NEK1: variants seen among roughly 807,000 people sequenced by gnomAD.
NEK1 encodes the protein NIMA related kinase 1.
NEK1 carries 137 observed loss-of-function variants against 182.1 expected under a neutral mutation model. That is an observed-to-expected ratio of 0.75 (90% CI 0.65 to 0.87). The LOEUF (loss-of-function observed/expected upper bound fraction) is 0.87, where lower values mean the gene tolerates loss of function less well. Among genes scored for constraint, NEK1 ranks in the 40% least tolerant of loss-of-function variants. NEK1 has a pLI of 0.00. For missense variants in NEK1, 1,391 were observed against 1,494.4 expected (o/e 0.93, Z 1.14); for synonymous variants, 513 against 492.2 (o/e 1.04, Z -0.56).
intron 31 of NEK1, 28 bp downstream of exon 31, chr4:169,424,525 A>G (rs1483440219): frequency 2.6e-6 from 4 of 1,539,122 alleles, no homozygotes; most frequent in East Asian, 4.5e-5. Flanking sequence ...CGAATGGATA[A>G]TATTTTCCAC....
At chr4:169,604,634 G>A (rs1440544295) in intron 2 of NEK1, among the ~76,000 whole-genome samples, 2 of 152,062 alleles carry the variant, frequency 1.3e-5, no homozygotes, top group African/African-American at 4.8e-5. Context: ...TCATCCATCA[G>A]TGCCAAATTT....
intron 23 of NEK1, among the ~76,000 whole-genome samples, chr4:169,492,365 G>A (rs1326077746): frequency 6.6e-6 from 1 of 152,190 alleles, no homozygotes; most frequent in Non-Finnish European, 1.5e-5. Context: ...AGAAGATTGG[G>A]TGGAGAGAAA....
In NEK1 at chr4:169,561,992, GTTT is replaced by G. The variant is rs34452581; in HGVS notation, c.1081-104_1081-102del. ...CAATGGCAGAGGTATGTTCAATGAG[GTTT>G]TTTTTTTAAAAAAAAAAAGAAGTTA... On this transcript the variant is annotated intron_variant, in intron 13 of 35. Coordinates refer to ENST00000507142, the MANE Select transcript of NEK1 (RefSeq NM_001199397.3). 3.0e-5 allele frequency: 28 copies of G among 923,976 alleles called. No individual in the cohort carries two copies. In the South Asian group the frequency reaches 4.6e-4, roughly 15 times the overall value. 57.2% of individuals were successfully genotyped at this position (923,976 alleles called of 1,614,324 possible). A position where few individuals can be genotyped will look rare whatever the true frequency, so the allele number is the denominator to read the frequency against.
At chr4:169,441,083 C>G (rs1739359659) in intron 27 of NEK1, among the ~76,000 whole-genome samples, 1 of 152,154 alleles carries the variant, frequency 6.6e-6, no homozygotes, top group Non-Finnish European at 1.5e-5. Context: ...TCCTCTAGCC[C>G]ACATACAGTC....
At chr4:169,560,850 A>C (rs1186473251) in intron 16 of NEK1, among the ~76,000 whole-genome samples, 2 of 152,110 alleles carry the variant, frequency 1.3e-5, no homozygotes, top group Non-Finnish European at 2.9e-5. Flanking sequence ...CCAAGGTTAA[A>C]TAGGGTGGAT....
intron 4 of NEK1, among the ~76,000 whole-genome samples, chr4:169,600,453 T>G (rs1770294132): frequency 6.6e-6 from 1 of 152,108 alleles, no homozygotes; most frequent in South Asian, 2.1e-4. Flanking sequence ...CACCTCAGCC[T>G]CCCGAAGTTG....
chr4:169,606,829 T>C (rs1248689294), intron 2 of NEK1, among the ~76,000 whole-genome samples: 2 of 152,144 alleles, frequency 1.3e-5, no homozygotes, highest in South Asian at 2.1e-4. Context: ...ACAAAATATA[T>C]AAAGAAACAG....
intron 29 of NEK1, among the ~76,000 whole-genome samples, chr4:169,428,214 G>C (rs1736733611): frequency 6.6e-6 from 1 of 151,460 alleles, no homozygotes; most frequent in Non-Finnish European, 1.5e-5. Context: ...TCCACTCCAA[G>C]GTATATACCC....
chr4:169,555,314 C>CA (rs987053917), intron 18 of NEK1: 3 of 197,350 alleles, frequency 1.5e-5, no homozygotes, highest in African/African-American at 7.1e-5. Flanking sequence ...GCTAAGACAA[C>CA]AAAGAGAAAA....
chr4:169,594,276 T>C (rs1769066959), intron 5 of NEK1, among the ~76,000 whole-genome samples: 1 of 152,218 alleles, frequency 6.6e-6, no homozygotes, highest in Non-Finnish European at 1.5e-5. Flanking sequence ...GAGATTTCTA[T>C]GTGTAATAAA....
intron 26 of NEK1, among the ~76,000 whole-genome samples, chr4:169,475,701 A>C (rs1471942170): frequency 6.6e-6 from 1 of 152,138 alleles, no homozygotes; most frequent in African/African-American, 2.4e-5. Flanking sequence ...ACATTAATAA[A>C]ATTTTCACAA....
chr4:169,518,954 G>T (rs1413256967), intron 19 of NEK1, among the ~76,000 whole-genome samples: 1 of 35,944 alleles, frequency 2.8e-5, no homozygotes, highest in Admixed American at 2.9e-4. Context: ...AATAGGTGTG[G>T]TGTGGTGCTG....
chr4:169,401,185 TATC>T (rs1266286664), intron 33 of NEK1, among the ~76,000 whole-genome samples: 1 of 152,200 alleles, frequency 6.6e-6, no homozygotes, highest in Admixed American at 6.5e-5. Context: ...CCTAAATTAA[TATC>T]ATATAGTTAT....
chr4:169,556,214 T>C, intron 16 of NEK1, 119 bp from the exon 17 acceptor site: 2 of 879,086 alleles, frequency 2.3e-6, no homozygotes, highest in Non-Finnish European at 3.3e-6. Context: ...TTACTTAATA[T>C]GAACATACTA....
At chr4:169,605,491 T>TA (rs534129232) in intron 2 of NEK1, among the ~76,000 whole-genome samples, 63 of 152,296 alleles carry the variant, frequency 4.1e-4, no homozygotes, top group Admixed American at 3.9e-3. Flanking sequence ...CATGAAAAAA[T>TA]AGATTACTTT....
rs572935404 is a variant in NEK1 at position 169,433,120 on chromosome 4, C to T, written c.2885+425G>A. The stretch of plus-strand genomic sequence containing the variant: ...TGTAGCCCAGGCTGGAGTGCAGTGG[C>T]ATGATCTTGGCTCACTGCAATCTCT... On this transcript the variant is annotated intron_variant, in intron 29 of 35. Coordinates refer to ENST00000507142, the MANE Select transcript of NEK1 (RefSeq NM_001199397.3). Among the ~76,000 whole-genome samples the T allele has an allele frequency of 2.0e-4, 30 of 152,164 alleles. 1 individual carries two copies. In the South Asian group the frequency reaches 2.7e-3, roughly 14 times the overall value.
intron 23 of NEK1, among the ~76,000 whole-genome samples, chr4:169,498,905 G>A (rs1384865250): frequency 6.6e-6 from 1 of 152,176 alleles, no homozygotes; most frequent in Non-Finnish European, 1.5e-5. Flanking sequence ...TTCTCGAGGA[G>A]TATCTTTGTG....
intron 28 of NEK1, among the ~76,000 whole-genome samples, chr4:169,434,109 T>A (rs953376047): frequency 6.0e-5 from 9 of 150,924 alleles, no homozygotes; most frequent in Admixed American, 5.9e-4. Flanking sequence ...CTTTTAATAG[T>A]CAAAAAAGAA....
chr4:169,427,708 T>A (rs1251577359), intron 29 of NEK1, among the ~76,000 whole-genome samples: 3 of 149,980 alleles, frequency 2.0e-5, no homozygotes, highest in Non-Finnish European at 4.4e-5. Flanking sequence ...GTTGGCCAGG[T>A]TGGTCTCAAA....
Sources: allele counts gnomAD v4.1 joint callset (sites outside exome capture counted in the v4.1 genomes callset), GRCh38; gene constraint gnomAD v4.1.1; transcripts MANE v1.5; gene names NCBI Gene and HGNC (gene_info 2026-07-23, HGNC 2026-07-21).